BACH2: variants seen among roughly 807,000 people sequenced by gnomAD.
The protein encoded by BACH2 is BACH transcriptional regulator 2.
Under a neutral mutation model 61.8 loss-of-function variants are expected in BACH2, and 5 were observed. The observed-to-expected ratio is 0.08, with a 90% CI of 0.04 to 0.17. BACH2 has a LOEUF of 0.17. Among genes scored for constraint, BACH2 ranks in the 10% least tolerant of loss-of-function variants. BACH2 has a pLI of 1.00. For missense variants in BACH2, 824 were observed against 1,091.1 expected (o/e 0.76, Z 3.45); for synonymous variants, 446 against 440.1 (o/e 1.01, Z -0.17).
At chr6:90,069,750 A>T (rs568799421) in intron 5 of BACH2, among the ~76,000 whole-genome samples, 3 of 152,364 alleles carry the variant, frequency 2.0e-5, no homozygotes, top group African/African-American at 7.2e-5. Context: ...CAGAATGCAG[A>T]CAAGAAGGCG....
intron 4 of BACH2, among the ~76,000 whole-genome samples, chr6:90,108,450 A>G (rs1296607317): frequency 1.3e-5 from 2 of 152,188 alleles, no homozygotes; most frequent in Non-Finnish European, 2.9e-5. Flanking sequence ...GGAGAGGTCA[A>G]GAAGAATCTA....
chr6:90,243,643 C>A (rs535795171), intron 3 of BACH2, among the ~76,000 whole-genome samples: 1 of 152,168 alleles, frequency 6.6e-6, no homozygotes, highest in Admixed American at 6.5e-5. Flanking sequence ...TACTGAATCT[C>A]TTTTTCCTAT....
intron 4 of BACH2, among the ~76,000 whole-genome samples, chr6:90,096,257 C>T (rs574380413): frequency 6.6e-6 from 1 of 152,268 alleles, no homozygotes; most frequent in African/African-American, 2.4e-5. Context: ...CCTGGCCTTG[C>T]CACCTGCTTC....
intron 6 of BACH2, among the ~76,000 whole-genome samples, chr6:89,972,079 G>A (rs2128361238): frequency 6.6e-6 from 1 of 152,314 alleles, no homozygotes; most frequent in Middle Eastern, 3.4e-3. Context: ...ACCTAAGAGA[G>A]AACATAGCAT....
intron 5 of BACH2, among the ~76,000 whole-genome samples, chr6:90,058,482 A>G (rs1198670096): frequency 6.6e-6 from 1 of 152,216 alleles, no homozygotes; most frequent in Non-Finnish European, 1.5e-5. Context: ...GAGGATATAA[A>G]CAAATGGAAG....
intron 5 of BACH2, among the ~76,000 whole-genome samples, chr6:90,072,894 A>C (rs76133342): frequency 6.6e-6 from 1 of 152,198 alleles, no homozygotes; most frequent in Non-Finnish European, 1.5e-5. Context: ...TCTAAAAAAA[A>C]CCAACCCGCT....
In BACH2 at chr6:90,189,335, G is replaced by A. The variant is rs1257283558; in HGVS notation, c.-162+17234C>T. ...TTCAAGAGTGGGCTTCCGGCCGGGC[G>A]CGGTGGCTCACGCCTGTAATCCCAG... On this transcript the variant is annotated intron_variant, in intron 4 of 8. Transcript: ENST00000257749. Among the ~76,000 whole-genome samples the A allele has an allele frequency of 4.0e-5, 6 of 151,314 alleles. No homozygotes were observed. In the East Asian group the frequency reaches 5.9e-4, roughly 15 times the overall value.
intron 4 of BACH2, among the ~76,000 whole-genome samples, chr6:90,185,716 T>C (rs1768331847): frequency 6.6e-6 from 1 of 152,178 alleles, no homozygotes; most frequent in Non-Finnish European, 1.5e-5. Flanking sequence ...AGGCATAAAA[T>C]AGAACCAACC....
chr6:90,044,491 G>T (rs1447353492), intron 5 of BACH2, among the ~76,000 whole-genome samples: 2 of 152,210 alleles, frequency 1.3e-5, no homozygotes, highest in Non-Finnish European at 2.9e-5. Context: ...TTTACTCTAA[G>T]TGTTATGAGA....
At chr6:90,096,378 T>C (rs1167748984) in intron 4 of BACH2, among the ~76,000 whole-genome samples, 1 of 152,234 alleles carries the variant, frequency 6.6e-6, no homozygotes, top group East Asian at 1.9e-4. Context: ...TAATGTGCTC[T>C]GTCCTCTCCC....
chr6:90,077,182 T>C (rs1781509400), intron 5 of BACH2, among the ~76,000 whole-genome samples: 1 of 152,140 alleles, frequency 6.6e-6, no homozygotes, highest in African/African-American at 2.4e-5. Flanking sequence ...TGTCATTCCT[T>C]ATGAAAGCGT....
At chr6:90,140,074 C>G (rs942516119) in intron 4 of BACH2, among the ~76,000 whole-genome samples, 1 of 152,190 alleles carries the variant, frequency 6.6e-6, no homozygotes, top group Non-Finnish European at 1.5e-5. Flanking sequence ...TCTTCCAAGT[C>G]TAAAATGATG....
In BACH2 at chr6:89,983,717, T is replaced by C. The variant is rs560155216; in HGVS notation, c.243+24885A>G. On this transcript the variant is annotated intron_variant, in intron 6 of 8. Coordinates refer to ENST00000257749, the MANE Select transcript of BACH2 (RefSeq NM_021813.4). ...AAAGTCAGTTCCTTAGTCACACACG[T>C]GGCTACTGGCTACCATATTGGCCAG... is the stretch of plus-strand genomic sequence containing the variant. 1.0e-3 allele frequency among the ~76,000 whole-genome samples: 159 copies of C among 152,318 alleles called. 3 individuals carry two copies. The highest frequency in any genetic ancestry group is 9.3e-4 in the Non-Finnish European group (63 of 68,016).
intron 5 of BACH2, among the ~76,000 whole-genome samples, chr6:90,083,841 G>A (rs979242135): frequency 6.6e-6 from 1 of 152,114 alleles, no homozygotes; most frequent in African/African-American, 2.4e-5. Context: ...GACTATTTGA[G>A]GACAAGAATA....
intron 4 of BACH2, among the ~76,000 whole-genome samples, chr6:90,153,441 G>GA (rs1325034172): frequency 6.6e-6 from 1 of 152,104 alleles, no homozygotes; most frequent in Admixed American, 6.5e-5. Flanking sequence ...ATAAGCAGTA[G>GA]AAAATCTGAT....
intron 2 of BACH2, among the ~76,000 whole-genome samples, chr6:90,269,297 T>C (rs1010343004): frequency 1.3e-5 from 2 of 152,160 alleles, no homozygotes; most frequent in Non-Finnish European, 2.9e-5. Context: ...CTAAGTCTTC[T>C]GAGTTTTCTA....
At chr6:89,939,152 G>A (rs1773222932) in intron 7 of BACH2, among the ~76,000 whole-genome samples, 1 of 152,182 alleles carries the variant, frequency 6.6e-6, no homozygotes, top group South Asian at 2.1e-4. Flanking sequence ...TCTGAGGCTA[G>A]GTCGAAAATT....
intron 3 of BACH2, among the ~76,000 whole-genome samples, chr6:90,222,028 C>T (rs1334524663): frequency 2.0e-5 from 3 of 152,128 alleles, no homozygotes; most frequent in African/African-American, 7.2e-5. Flanking sequence ...GAGAAATTTA[C>T]TTAATATTAT....
chr6:89,979,893 C>T (rs142131757), intron 6 of BACH2, among the ~76,000 whole-genome samples: 2 of 152,160 alleles, frequency 1.3e-5, no homozygotes, highest in Non-Finnish European at 2.9e-5. Context: ...GAAAATGTAA[C>T]CTGCATTTGC....
Sources: gnomAD v4.1 joint callset for allele counts (sites outside exome capture counted in the v4.1 genomes callset) on GRCh38, gnomAD v4.1.1 for gene constraint, MANE v1.5 for transcripts, NCBI Gene and HGNC (gene_info 2026-07-23, HGNC 2026-07-21) for gene names.